The following PCDH15 variants were observed in gnomAD, a reference collection of about 807,000 sequenced individuals.
PCDH15 encodes the protein protocadherin related 15, also known as protocadherin-15.
A neutral mutation model predicts 178.5 loss-of-function variants in PCDH15; 129 were observed. The ratio of observed to expected loss-of-function variants is 0.72; its 90% CI spans 0.63 to 0.84. The LOEUF (loss-of-function observed/expected upper bound fraction) is 0.84, where lower values mean the gene tolerates loss of function less well. PCDH15 is among the 40% of genes least tolerant of loss of function. PCDH15 has a pLI of 0.00. For missense variants in PCDH15, 2,230 were observed against 2,099.9 expected, an observed-to-expected ratio of 1.06 and a Z score of -1.21; for synonymous variants, 800 against 732.0, an observed-to-expected ratio of 1.09 and a Z score of -1.50.
intron 13 of PCDH15, among the ~76,000 whole-genome samples, chr10:54,156,967 G>A (rs1272806756): frequency 6.6e-6 from 1 of 152,184 alleles, no homozygotes; most frequent in Non-Finnish European, 1.5e-5. Context: ...TCCAGGTCAT[G>A]CTGATGTAAG....
chr10:54,319,182 G>C (rs1203327211), intron 7 of PCDH15, among the ~76,000 whole-genome samples: 1 of 152,066 alleles, frequency 6.6e-6, no homozygotes, highest in African/African-American at 2.4e-5. Context: ...ATGCTTTTCT[G>C]CCTTTTTGAA....
At chr10:54,635,162 T>TAAATAAATAA (rs2093814666) in intron 2 of PCDH15, among the ~76,000 whole-genome samples, 1 of 145,378 alleles carries the variant, frequency 6.9e-6, no homozygotes, top group Non-Finnish European at 1.5e-5. Flanking sequence ...AATAGTCTCC[T>TAAATAAATAA]ATAAATAAAT....
At chr10:55,194,662 A>C (rs540656029) in intron 1 of PCDH15, among the ~76,000 whole-genome samples, 1 of 152,216 alleles carries the variant, frequency 6.6e-6, no homozygotes, top group East Asian at 1.9e-4. Flanking sequence ...ACCCAGGAAA[A>C]ATAACTAGCA....
intron 8 of PCDH15, among the ~76,000 whole-genome samples, chr10:54,239,425 A>G (rs1390902909): frequency 6.6e-6 from 1 of 150,770 alleles, no homozygotes; most frequent in East Asian, 1.9e-4. Flanking sequence ...ATATATATAT[A>G]TATATATAGA....
At chr10:55,412,100 T>C (rs939504936) in intron 2 of PCDH15, among the ~76,000 whole-genome samples, 1 of 152,002 alleles carries the variant, frequency 6.6e-6, no homozygotes, top group South Asian at 2.1e-4. Flanking sequence ...TGTGAAAACA[T>C]CAGAGCAGCA....
intron 2 of PCDH15, among the ~76,000 whole-genome samples, chr10:55,343,977 G>A (rs1275289292): frequency 1.3e-5 from 2 of 152,040 alleles, no homozygotes; most frequent in Non-Finnish European, 2.9e-5. Flanking sequence ...AAGCATAATA[G>A]GTGATAAAGA....
At chr10:54,990,545 G>C (rs1839474810) in intron 2 of PCDH15, among the ~76,000 whole-genome samples, 1 of 152,020 alleles carries the variant, frequency 6.6e-6, no homozygotes, top group Non-Finnish European at 1.5e-5. Flanking sequence ...ATTGAAATTG[G>C]TTACCACTTT....
intron 1 of PCDH15, among the ~76,000 whole-genome samples, chr10:54,691,766 T>G (rs1172475684): frequency 6.6e-6 from 1 of 152,148 alleles, no homozygotes; most frequent in Non-Finnish European, 1.5e-5. Flanking sequence ...TAGAAACAGT[T>G]TGACAGCTTT....
chr10:54,410,412 T>C (rs1953321337), intron 3 of PCDH15, among the ~76,000 whole-genome samples: 1 of 152,178 alleles, frequency 6.6e-6, no homozygotes, highest in African/African-American at 2.4e-5. Context: ...TTATTTCTTT[T>C]AGACTTTGCT....
intron 2 of PCDH15, among the ~76,000 whole-genome samples, chr10:55,070,713 T>C (rs1360177481): frequency 6.6e-6 from 1 of 152,212 alleles, no homozygotes; most frequent in African/African-American, 2.4e-5. Flanking sequence ...GGTAGCGTGA[T>C]GCCTTCAGCT....
chr10:53,941,583 G>A (rs2086072972), intron 23 of PCDH15, among the ~76,000 whole-genome samples: 1 of 152,122 alleles, frequency 6.6e-6, no homozygotes, highest in Non-Finnish European at 1.5e-5. Flanking sequence ...CATCTTGGTT[G>A]CTTCCAAGTT....
chr10:54,970,331 T>C (rs1266838496), intron 2 of PCDH15, among the ~76,000 whole-genome samples: 2 of 152,190 alleles, frequency 1.3e-5, no homozygotes, highest in African/African-American at 4.8e-5. Context: ...ATTTCTATAA[T>C]AAACACCTAG....
At chr10:54,607,595 G>A (rs886550727) in intron 2 of PCDH15, among the ~76,000 whole-genome samples, 2 of 152,006 alleles carry the variant, frequency 1.3e-5, no homozygotes, top group Middle Eastern at 3.2e-3. Flanking sequence ...TTCAGGTTAA[G>A]AGTAGAAATC....
rs1254847742 is a variant in PCDH15 at position 54,503,262 on chromosome 10, T to TGA, written c.157+24549_157+24550insTC. Among the ~76,000 whole-genome samples, 212 of 121,236 alleles carry TGA rather than the reference T, an allele frequency of 1.7e-3. 2 individuals carry two copies. The highest frequency in any genetic ancestry group is 2.7e-3 in the Non-Finnish European group (149 of 55,958). The allele number at this position is 121,236 out of a possible 152,430, so 79.5% of individuals were successfully genotyped here. A position where few individuals can be genotyped will look rare whatever the true frequency, so the allele number is the denominator to read the frequency against. ...GTGTGTGTGTGTGTGTGTGTGTGTG[T>TGA]GTGATTATATATATTTATATATAAT... On this transcript the variant is annotated intron_variant, in intron 3 of 37. Transcript: ENST00000644397.
chr10:55,087,147 ATGTGATTTTTATATGG>A (rs1842192306), intron 2 of PCDH15, among the ~76,000 whole-genome samples: 1 of 152,138 alleles, frequency 6.6e-6, no homozygotes, highest in East Asian at 1.9e-4. Context: ...TGTTAAAAGA[ATGTGATTTTTATATGG>A]TGTGGAGAGA....
At chr10:55,488,926 G>A (rs1840356996) in intron 2 of PCDH15, among the ~76,000 whole-genome samples, 1 of 151,300 alleles carries the variant, frequency 6.6e-6, no homozygotes, top group African/African-American at 2.4e-5. Flanking sequence ...GCAATAAAAA[G>A]TGTTGTAATC....
intron 21 of PCDH15, among the ~76,000 whole-genome samples, chr10:53,981,519 T>C (rs892343759): frequency 6.6e-6 from 1 of 151,852 alleles, no homozygotes; most frequent in Non-Finnish European, 1.5e-5. Flanking sequence ...ACGCCACATA[T>C]CTACAACTAT....
chr10:54,545,573 A>G (rs1302348383), intron 2 of PCDH15, among the ~76,000 whole-genome samples: 1 of 151,984 alleles, frequency 6.6e-6, no homozygotes, highest in Non-Finnish European at 1.5e-5. Flanking sequence ...GAAGGAGGGA[A>G]GGAAGGAAGG....
chr10:54,513,195 T>C (rs1043316590), intron 3 of PCDH15, among the ~76,000 whole-genome samples: 1 of 151,772 alleles, frequency 6.6e-6, no homozygotes, highest in Non-Finnish European at 1.5e-5. Flanking sequence ...TAGTGTTAGA[T>C]TTCTTTTTCT....
Sources: gnomAD v4.1 joint callset for allele counts (sites outside exome capture counted in the v4.1 genomes callset) on GRCh38, gnomAD v4.1.1 for gene constraint, MANE v1.5 for transcripts, NCBI Gene and HGNC (gene_info 2026-07-23, HGNC 2026-07-21) for gene names.